The following CLASP1 variants were observed in gnomAD, a reference collection of about 807,000 sequenced individuals.
CLASP1 encodes the protein CLIP-associating protein 1.
CLASP1 carries 38 observed loss-of-function variants against 192.3 expected under a neutral mutation model. The observed-to-expected ratio is 0.20, with a 90% CI of 0.15 to 0.26. The LOEUF (loss-of-function observed/expected upper bound fraction) is 0.26, where lower values mean the gene tolerates loss of function less well. CLASP1 is among the 10% of genes least tolerant of loss of function. The pLI, the probability that CLASP1 is intolerant of heterozygous loss-of-function variation, is 1.00. For missense variants in CLASP1, 1,433 were observed against 1,932.5 expected (o/e 0.74, Z 4.85); for synonymous variants, 691 against 712.8 (o/e 0.97, Z 0.49).
intron 1 of CLASP1, among the ~76,000 whole-genome samples, chr2:121,642,711 G>A (rs995134967): frequency 1.3e-5 from 2 of 152,112 alleles, no homozygotes; most frequent in African/African-American, 4.8e-5. Flanking sequence ...CAGCCTGGGC[G>A]TCAGAGTGAG....
rs2077080398 is a variant in CLASP1, at chr2:121,407,408, T to C, written c.2669+63A>G. 5 of 1,579,498 alleles carry C rather than the reference T, an allele frequency of 3.2e-6. No homozygotes were observed. In the Admixed American group the frequency reaches 8.7e-5, roughly 27 times the overall value. Reference sequence around the variant, plus strand: ...CTCCATTAATTATAGGAAATCCCTTTAAACCCCTGAAGAGTCCAACAGGAG... The same window carrying C: ...CTCCATTAATTATAGGAAATCCCTTCAAACCCCTGAAGAGTCCAACAGGAG... On this transcript the variant is annotated intron_variant, in intron 25 of 39. Transcript: ENST00000263710.
intron 2 of CLASP1, among the ~76,000 whole-genome samples, chr2:121,601,496 T>C (rs896972476): frequency 6.6e-6 from 1 of 152,126 alleles, no homozygotes; most frequent in African/African-American, 2.4e-5. Context: ...AATCTCGAAC[T>C]CCTGACCTCG....
At chr2:121,648,211 AAAC>A (rs1243367236) in intron 1 of CLASP1, among the ~76,000 whole-genome samples, 3 of 152,218 alleles carry the variant, frequency 2.0e-5, no homozygotes, top group Non-Finnish European at 4.4e-5. Context: ...GTAGTAATAA[AAAC>A]AATTTCTAAT....
intron 1 of CLASP1, among the ~76,000 whole-genome samples, chr2:121,630,393 C>CA: frequency 6.8e-6 from 1 of 148,068 alleles, no homozygotes. Context: ...CACACACACA[C>CA]ACACACACAC....
intron 2 of CLASP1, among the ~76,000 whole-genome samples, chr2:121,565,083 C>A (rs2059390419): frequency 6.6e-6 from 1 of 152,224 alleles, no homozygotes; most frequent in Admixed American, 6.5e-5. Context: ...TGAAAGTTCA[C>A]ATATTTGCCT....
intron 2 of CLASP1, among the ~76,000 whole-genome samples, chr2:121,592,853 C>T (rs1391898846): frequency 6.6e-6 from 1 of 152,272 alleles, no homozygotes; most frequent in South Asian, 2.1e-4. Context: ...GGGGTTTCAC[C>T]GTGCTAGCCA....
At chr2:121,456,995 A>G (rs534517784) in intron 14 of CLASP1, among the ~76,000 whole-genome samples, 5 of 152,346 alleles carry the variant, frequency 3.3e-5, no homozygotes, top group African/African-American at 1.2e-4. Context: ...AAGAGGGTTC[A>G]TAGATTTTAA....
At chr2:121,582,977 G>T (rs1164509468) in intron 2 of CLASP1, among the ~76,000 whole-genome samples, 1 of 151,792 alleles carries the variant, frequency 6.6e-6, no homozygotes, top group Non-Finnish European at 1.5e-5. Context: ...GTAGATACGG[G>T]GTTTCACCAT....
intron 2 of CLASP1, among the ~76,000 whole-genome samples, chr2:121,536,250 G>A (rs955328103): frequency 4.0e-5 from 6 of 151,398 alleles, no homozygotes; most frequent in South Asian, 2.1e-4. Flanking sequence ...GCGTTGTGAC[G>A]GGCACCTGTA....
chr2:121,513,396 G>A (rs1040781266), intron 7 of CLASP1, among the ~76,000 whole-genome samples: 1 of 152,148 alleles, frequency 6.6e-6, no homozygotes. Flanking sequence ...TTTCTATTCA[G>A]AGGTCCAAGT....
At chr2:121,642,185 A>C (rs957098012) in intron 1 of CLASP1, among the ~76,000 whole-genome samples, 2 of 152,026 alleles carry the variant, frequency 1.3e-5, no homozygotes, top group Non-Finnish European at 2.9e-5. Context: ...TGGGAGGGTG[A>C]GGCAGGAGGA....
chr2:121,504,625 C>T (rs1428960267), intron 7 of CLASP1, among the ~76,000 whole-genome samples: 11 of 152,202 alleles, frequency 7.2e-5, no homozygotes, highest in African/African-American at 2.7e-4. Context: ...TACTTGAGTG[C>T]CCATTATGTG....
chr2:121,546,621 T>A (rs143429411), intron 2 of CLASP1, among the ~76,000 whole-genome samples: 1 of 152,170 alleles, frequency 6.6e-6, no homozygotes, highest in East Asian at 1.9e-4. Flanking sequence ...GTCAGGAGAC[T>A]GCCTCATGAA....
intron 28 of CLASP1, 36 bp downstream of exon 29, chr2:121,401,473 G>A (rs775870421): frequency 1.5e-5 from 24 of 1,559,610 alleles, no homozygotes; most frequent in East Asian, 2.2e-5. Flanking sequence ...CAAGTATCCT[G>A]TAACATCAAA....
chr2:121,605,353 G>C (rs1011441247), intron 2 of CLASP1, among the ~76,000 whole-genome samples: 1 of 151,948 alleles, frequency 6.6e-6, no homozygotes, highest in Non-Finnish European at 1.5e-5. Flanking sequence ...ATTTATAAAG[G>C]GCAACTCACC....
At chr2:121,337,955 A>C (rs910484483) in exon 40 of CLASP1, 2 of 146,970 alleles carry the variant, frequency 1.4e-5, no homozygotes, top group Non-Finnish European at 3.0e-5. Context: ...CCCCCCCCCC[A>C]AAAAAACCCA....
At chr2:121,386,153 T>A (rs1478662696) in intron 32 of CLASP1, among the ~76,000 whole-genome samples, 1 of 152,262 alleles carries the variant, frequency 6.6e-6, no homozygotes, top group East Asian at 1.9e-4. Flanking sequence ...TGGGAGATTC[T>A]TGATCATTTA....
At chr2:121,519,595 C>T (rs1381035556) in intron 6 of CLASP1, among the ~76,000 whole-genome samples, 1 of 152,224 alleles carries the variant, frequency 6.6e-6, no homozygotes, top group African/African-American at 2.4e-5. Flanking sequence ...CACAAATCTA[C>T]AGGCTGAAAC....
intron 19 of CLASP1, among the ~76,000 whole-genome samples, chr2:121,432,420 G>A (rs1479312676): frequency 6.6e-6 from 1 of 152,142 alleles, no homozygotes; most frequent in African/African-American, 2.4e-5. Context: ...TCCCCGGCCT[G>A]TGATTAGCCT....
Sources: allele counts gnomAD v4.1 joint callset (sites outside exome capture counted in the v4.1 genomes callset), GRCh38; gene constraint gnomAD v4.1.1; transcripts MANE v1.5; gene names NCBI Gene and HGNC (gene_info 2026-07-23, HGNC 2026-07-21).